Variants in PPP2R2C observed in about 807,000 individuals in gnomAD.
PPP2R2C encodes the protein protein phosphatase 2, regulatory subunit B, gamma.
Under a neutral mutation model 45.3 loss-of-function variants are expected in PPP2R2C, and 10 were observed. The ratio of observed to expected loss-of-function variants is 0.22; its 90% CI spans 0.14 to 0.37. The LOEUF is 0.37. Among genes scored for constraint, PPP2R2C ranks in the 10% least tolerant of loss-of-function variants. The pLI, the probability that PPP2R2C is intolerant of heterozygous loss-of-function variation, is 1.00. For missense variants in PPP2R2C, 308 were observed against 619.7 expected, an observed-to-expected ratio of 0.50 and a Z score of 5.34; for synonymous variants, 257 against 245.4, an observed-to-expected ratio of 1.05 and a Z score of -0.44.
intron 2 of PPP2R2C, among the ~76,000 whole-genome samples, chr4:6,508,271 A>C (rs539259851): frequency 4.1e-4 from 63 of 152,304 alleles, no homozygotes; most frequent in Non-Finnish European, 2.5e-4. Flanking sequence ...CATCAGGGAA[A>C]GGCAGTCTCC....
intron 1 of PPP2R2C, among the ~76,000 whole-genome samples, chr4:6,425,815 G>C (rs969142649): frequency 9.1e-5 from 13 of 143,108 alleles, no homozygotes; most frequent in Non-Finnish European, 9.4e-5. Context: ...ATGCTTGGCT[G>C]TGTGTGTGTG....
At chr4:6,419,766 C>T (rs111766790) in intron 1 of PPP2R2C, among the ~76,000 whole-genome samples, 321 of 152,292 alleles carry the variant, frequency 2.1e-3, no homozygotes, top group African/African-American at 6.3e-3. Context: ...CCTCTGGAAG[C>T]TCTGAGGGAG....
Position 6,345,801 on chromosome 4 carries a change from C to G in PPP2R2C, c.790+2045G>C, listed in dbSNP as rs1368564171. Among the ~76,000 whole-genome samples the G allele has an allele frequency of 6.6e-6, 1 of 152,158 alleles. No individual in the cohort carries two copies. Among genetic ancestry groups the G allele is most frequent in the Admixed American group, 6.5e-5 (1 of 15,290 alleles). On this transcript the variant is annotated intron_variant, in intron 6 of 8. Transcript: ENST00000382599. The surrounding 1 kb of genome is among the most constrained non-coding windows in gnomAD (Gnocchi z 5.3). ...CTTTGTTGTGGCGCACAGGACGCAG[C>G]CCCGAGCCCCCTGCACCCCGGGAAT...
rs955220649 is a variant in PPP2R2C, at chr4:6,381,651, C to T, written c.71-557G>A. On this transcript the variant is annotated intron_variant, in intron 1 of 8. Transcript: ENST00000382599. ...CCACCTCCAGGCAGGCCTCTGGGATCGCTCTCTAATCTCTGCTCGCAGAAG... is the reference window on the plus strand; with the variant it reads ...CCACCTCCAGGCAGGCCTCTGGGATTGCTCTCTAATCTCTGCTCGCAGAAG... The T allele has an allele frequency of 5.3e-6, 8 of 1,502,088 alleles. No individual in the cohort carries two copies. In the African/African-American group the frequency reaches 5.6e-5, roughly 11 times the overall value. 93.0% of individuals were successfully genotyped at this position (1,502,088 alleles called of 1,614,324 possible). A position where few individuals can be genotyped will look rare whatever the true frequency, so the allele number is the denominator to read the frequency against.
At chr4:6,503,737 A>G (rs1328558680) in intron 2 of PPP2R2C, among the ~76,000 whole-genome samples, 1 of 152,152 alleles carries the variant, frequency 6.6e-6, no homozygotes, top group Non-Finnish European at 1.5e-5. Flanking sequence ...AACATCCATC[A>G]GCAAAAGAAT....
At chr4:6,514,681 G>GC (rs1723777918) in intron 2 of PPP2R2C, among the ~76,000 whole-genome samples, 1 of 152,222 alleles carries the variant, frequency 6.6e-6, no homozygotes, top group African/African-American at 2.4e-5. Context: ...GGTCAGCTCT[G>GC]CAATGCCTGG....
rs772604056 is a variant in PPP2R2C at position 6,322,978 on chromosome 4, C to G, written c.*324G>C. On this transcript the variant is annotated 3_prime_UTR_variant, in exon 9 of 9. Coordinates refer to ENST00000382599, the MANE Select transcript of PPP2R2C (RefSeq NM_020416.4). This position sits in a 1 kb window ranked among gnomAD's most constrained non-coding sequence, Gnocchi z 7.8. The stretch of plus-strand genomic sequence containing the variant: ...AAAGTCCTATTGATGTGGTAAAGAC[C>G]GCAGACCGAGACAGGAAGGGACGTG... 9 of 230,866 alleles carry G rather than the reference C, an allele frequency of 3.9e-5. No homozygotes were observed. Among genetic ancestry groups the G allele is most frequent in the Middle Eastern group, 1.4e-3 (1 of 726 alleles). 14.3% of individuals were successfully genotyped at this position (230,866 alleles called of 1,614,324 possible).
intron 1 of PPP2R2C, among the ~76,000 whole-genome samples, chr4:6,450,923 G>A (rs1456983515): frequency 5.3e-5 from 8 of 152,118 alleles, no homozygotes; most frequent in African/African-American, 1.7e-4. Flanking sequence ...GGACACTTCA[G>A]CCCCACAGTC....
intron 1 of PPP2R2C, among the ~76,000 whole-genome samples, chr4:6,406,247 A>C (rs147487905): frequency 6.6e-6 from 1 of 152,210 alleles, no homozygotes; most frequent in Non-Finnish European, 1.5e-5. Context: ...ACCTCAGCCA[A>C]AGGGATCTAA....
At chr4:6,546,546 A>G (rs905238077) in intron 1 of PPP2R2C, among the ~76,000 whole-genome samples, 4 of 152,190 alleles carry the variant, frequency 2.6e-5, no homozygotes, top group African/African-American at 9.6e-5. Flanking sequence ...TGAGTGGTAG[A>G]TTCTGACAAA....
intron 1 of PPP2R2C, among the ~76,000 whole-genome samples, chr4:6,441,375 C>T (rs1432855630): frequency 6.6e-6 from 1 of 152,092 alleles, no homozygotes; most frequent in East Asian, 1.9e-4. Context: ...GCCCCTCCAG[C>T]TGCAGGGGAG....
intron 2 of PPP2R2C, among the ~76,000 whole-genome samples, chr4:6,501,895 C>G (rs1723069184): frequency 6.6e-6 from 1 of 152,128 alleles, no homozygotes; most frequent in Admixed American, 6.5e-5. Context: ...CTTTTTGGTC[C>G]CAGAGCTCAG....
intron 1 of PPP2R2C, chr4:6,382,277 T>C: frequency 8.8e-6 from 11 of 1,251,946 alleles, no homozygotes; most frequent in Non-Finnish European, 9.3e-6. Context: ...TGTCGTTCTT[T>C]GCTCTCCTGG....
In PPP2R2C at chr4:6,331,602, G is replaced by A. The variant is rs75709149; in HGVS notation, c.960+1960C>T. On this transcript the variant is annotated intron_variant, in intron 7 of 8. Transcript: ENST00000382599. This position sits in a 1 kb window ranked among gnomAD's most constrained non-coding sequence, Gnocchi z 5.9. ...AGATTTTACAATCACAGTGAAACAC[G>A]CAACAGACCCCAGGGGTGAGATCTA... Among the ~76,000 whole-genome samples, 1,565 of 152,272 alleles carry A rather than the reference G, an allele frequency of 0.01. 22 individuals are homozygous for A. Among genetic ancestry groups the A allele is most frequent in the African/African-American group, 0.036 (1,492 of 41,554 alleles).
At chr4:6,365,497 C>T (rs1245536076) in intron 5 of PPP2R2C, among the ~76,000 whole-genome samples, 4 of 152,208 alleles carry the variant, frequency 2.6e-5, no homozygotes, top group African/African-American at 9.7e-5. Flanking sequence ...AAAGGAGACA[C>T]ACTCCCATGG....
At chr4:6,434,379 G>C (rs1431000802) in intron 1 of PPP2R2C, among the ~76,000 whole-genome samples, 1 of 8,088 alleles carries the variant, frequency 1.2e-4, no homozygotes, top group Non-Finnish European at 3.8e-4. Context: ...TTTTTTTGGA[G>C]ACAGAGTCTC....
intron 1 of PPP2R2C, among the ~76,000 whole-genome samples, chr4:6,398,971 A>C (rs1480689966): frequency 6.6e-6 from 1 of 152,256 alleles, no homozygotes; most frequent in Non-Finnish European, 1.5e-5. Flanking sequence ...ACCCACACTG[A>C]GTGAAAGAAG....
intron 6 of PPP2R2C, among the ~76,000 whole-genome samples, chr4:6,339,569 C>T (rs1265681838): frequency 6.6e-6 from 1 of 152,256 alleles, no homozygotes; most frequent in Admixed American, 6.5e-5. Flanking sequence ...GTGTGGACGA[C>T]ACTCCTCTGG....
chr4:6,539,858 C>T (rs1724751871), intron 1 of PPP2R2C, among the ~76,000 whole-genome samples: 1 of 152,180 alleles, frequency 6.6e-6, no homozygotes, highest in Non-Finnish European at 1.5e-5. Flanking sequence ...TAGATCTCCC[C>T]AAGCCCGTGC....
Sources: gnomAD v4.1 joint callset for allele counts (sites outside exome capture counted in the v4.1 genomes callset) on GRCh38, gnomAD v4.1.1 for gene constraint, Gnocchi (gnomAD v3.1) non-coding constraint, MANE v1.5 for transcripts, NCBI Gene and HGNC (gene_info 2026-07-23, HGNC 2026-07-21) for gene names.